FUT8: variants seen among roughly 807,000 people sequenced by gnomAD.
The protein encoded by FUT8 is alpha-(1,6)-fucosyltransferase.
FUT8 carries 29 observed loss-of-function variants against 71.3 expected under a neutral mutation model. The observed-to-expected ratio is 0.41, with a 90% confidence interval of 0.30 to 0.55. The LOEUF is 0.55. FUT8 is among the 20% of genes least tolerant of loss of function. FUT8 has a pLI of 0.34. For missense variants in FUT8, 544 were observed against 702.1 expected (o/e 0.77, Z 2.55); for synonymous variants, 254 against 239.3 (o/e 1.06, Z -0.57).
At chr14:65,666,043 C>A (rs1163556509) in intron 6 of FUT8, among the ~76,000 whole-genome samples, 1 of 151,628 alleles carries the variant, frequency 6.6e-6, no homozygotes, top group African/African-American at 2.4e-5. Context: ...CACAAGTTAA[C>A]CTGTATACAA....
chr14:65,701,550 G>A (rs911756233), intron 7 of FUT8, among the ~76,000 whole-genome samples: 3 of 152,128 alleles, frequency 2.0e-5, no homozygotes, highest in South Asian at 2.1e-4. Flanking sequence ...TTAACCATGA[G>A]CTTTAAGATA....
intron 2 of FUT8, among the ~76,000 whole-genome samples, chr14:65,541,059 TA>T (rs1362590468): frequency 6.6e-6 from 1 of 152,234 alleles, no homozygotes; most frequent in African/African-American, 2.4e-5. Flanking sequence ...TTTATAACCT[TA>T]TTTTTTTCTG....
Position 65,431,157 on chromosome 14 carries a change from G to A in FUT8, c.-326+17943G>A, listed in dbSNP as rs555683504. 1.6e-4 allele frequency among the ~76,000 whole-genome samples: 22 copies of A among 141,002 alleles called. No individual in the cohort carries two copies. The South Asian group carries it at 4.8e-3, about 31-fold the overall frequency. The allele number at this position is 141,002 out of a possible 152,430, so 92.5% of individuals were successfully genotyped here. On this transcript the variant is annotated intron_variant, in intron 1 of 10. Transcript: ENST00000673929. ...ATTACAGGCATGCGCCACTATACCCGGCTAATTTTTTTTTTTTTTTTTAAA... is the reference window on the plus strand; with the variant it reads ...ATTACAGGCATGCGCCACTATACCCAGCTAATTTTTTTTTTTTTTTTTAAA...
At chr14:65,511,707 A>T (rs937462598) in intron 2 of FUT8, among the ~76,000 whole-genome samples, 16 of 152,190 alleles carry the variant, frequency 1.1e-4, no homozygotes, top group Non-Finnish European at 2.2e-4. Flanking sequence ...ATACAAATAT[A>T]GCTTCTCCTA....
At chr14:65,560,178 C>T (rs1028284718) in intron 2 of FUT8, among the ~76,000 whole-genome samples, 2 of 151,924 alleles carry the variant, frequency 1.3e-5, no homozygotes, top group African/African-American at 4.8e-5. Context: ...ATCTTTTCTG[C>T]TCATCTTTTT....
chr14:65,500,484 T>G (rs904425400), intron 2 of FUT8, among the ~76,000 whole-genome samples: 3 of 152,220 alleles, frequency 2.0e-5, no homozygotes, highest in Admixed American at 6.5e-5. Flanking sequence ...ATTTTAGGTC[T>G]TCTCTTACTT....
intron 10 of FUT8, among the ~76,000 whole-genome samples, chr14:65,735,219 ATT>A (rs5809285): frequency 1.3e-5 from 2 of 151,102 alleles, no homozygotes; most frequent in East Asian, 3.9e-4. Flanking sequence ...TTGCTTTACT[ATT>A]TTTTTTTTCC....
At chr14:65,532,156 C>T (rs971500025) in intron 2 of FUT8, among the ~76,000 whole-genome samples, 2 of 152,110 alleles carry the variant, frequency 1.3e-5, no homozygotes, top group South Asian at 2.1e-4. Flanking sequence ...ATTCCTGGAT[C>T]GAATGGTAGT....
At chr14:65,554,762 C>G (rs1226275988) in intron 2 of FUT8, among the ~76,000 whole-genome samples, 1 of 152,102 alleles carries the variant, frequency 6.6e-6, no homozygotes, top group Non-Finnish European at 1.5e-5. Context: ...AGTCTTTCCT[C>G]TGTGTTCCAG....
At chr14:65,563,559 C>A (rs1886029897) in intron 3 of FUT8, among the ~76,000 whole-genome samples, 1 of 151,904 alleles carries the variant, frequency 6.6e-6, no homozygotes, top group South Asian at 2.1e-4. Context: ...TATGAGATCA[C>A]CAAGAATAGC....
At chr14:65,421,745 C>CCCCCG (rs773074273) in intron 1 of FUT8, among the ~76,000 whole-genome samples, 1 of 64,388 alleles carries the variant, frequency 1.6e-5, no homozygotes, top group Non-Finnish European at 3.4e-5. Context: ...ACCCACCCCC[C>CCCCCG]CCTTTTTTTT....
rs574440000 is a variant in FUT8, at chr14:65,524,197, A to G, written c.-227-37140A>G. Among the ~76,000 whole-genome samples, 5 of 152,254 alleles carry G rather than the reference A, an allele frequency of 3.3e-5. No individual in the cohort carries two copies. The East Asian group carries it at 9.6e-4, about 29-fold the overall frequency. On this transcript the variant is annotated intron_variant, in intron 2 of 10. Coordinates refer to ENST00000673929, the MANE Select transcript of FUT8 (RefSeq NM_001371533.1). The stretch of plus-strand genomic sequence containing the variant: ...CATTTTCACGATATTGATTCTTCCT[A>G]TCCGTGAGCATGGAATGTTCTTCCA...
chr14:65,641,400 T>C (rs1320127590), intron 6 of FUT8, among the ~76,000 whole-genome samples: 1 of 152,204 alleles, frequency 6.6e-6, no homozygotes, highest in East Asian at 1.9e-4. Flanking sequence ...TGCCAAAATT[T>C]ACTTATTTGC....
chr14:65,522,640 G>A (rs992213090), intron 2 of FUT8, among the ~76,000 whole-genome samples: 1 of 152,018 alleles, frequency 6.6e-6, no homozygotes, highest in Non-Finnish European at 1.5e-5. Flanking sequence ...TGTTACATAT[G>A]TATACATGTG....
At chr14:65,577,643 A>G (rs927364753) in intron 3 of FUT8, among the ~76,000 whole-genome samples, 1 of 152,200 alleles carries the variant, frequency 6.6e-6, no homozygotes, top group Non-Finnish European at 1.5e-5. Flanking sequence ...AAAATAATTA[A>G]CACAATGGAT....
chr14:65,594,933 G>T (rs767491545), intron 3 of FUT8, among the ~76,000 whole-genome samples: 23 of 152,100 alleles, frequency 1.5e-4, no homozygotes, highest in Non-Finnish European at 3.2e-4. Flanking sequence ...CATTCGATTG[G>T]TAAAAAGATA....
chr14:65,432,615 G>A (rs2065494053), intron 1 of FUT8, among the ~76,000 whole-genome samples: 1 of 152,050 alleles, frequency 6.6e-6, no homozygotes, highest in Admixed American at 6.6e-5. Context: ...GATGAGATAG[G>A]AGGTCGGCAC....
intron 2 of FUT8, among the ~76,000 whole-genome samples, chr14:65,492,951 C>T (rs577526184): frequency 6.6e-6 from 1 of 152,096 alleles, no homozygotes; most frequent in Non-Finnish European, 1.5e-5. Flanking sequence ...CCTTTATCTC[C>T]CCACTCCCTC....
chr14:65,735,075 A>G (rs1381879548), intron 10 of FUT8, among the ~76,000 whole-genome samples: 3 of 152,146 alleles, frequency 2.0e-5, no homozygotes, highest in African/African-American at 4.8e-5. Flanking sequence ...AAACATACAC[A>G]TGTCTAAATG....
Sources: gnomAD v4.1 joint callset for allele counts (sites outside exome capture counted in the v4.1 genomes callset) on GRCh38, gnomAD v4.1.1 for gene constraint, MANE v1.5 for transcripts, NCBI Gene and HGNC (gene_info 2026-07-23, HGNC 2026-07-21) for gene names.